Variants in DHRS4L2 observed in about 807,000 individuals in gnomAD.
The protein encoded by DHRS4L2 is dehydrogenase/reductase 4 like 2, also known as dehydrogenase/reductase SDR family member 4-like 2.
In DHRS4L2, 22 loss-of-function variants were observed where a neutral mutation model predicts 23.9. The observed-to-expected ratio is 0.92, with a 90% CI of 0.66 to 1.31. The LOEUF is 1.31. Ranked by LOEUF, DHRS4L2 falls within the 40% of genes most tolerant of loss-of-function variation. DHRS4L2 has a pLI of 0.00. For missense variants in DHRS4L2, 385 were observed against 303.3 expected, an observed-to-expected ratio of 1.27 and a Z score of -2.00; for synonymous variants, 141 against 123.7, an observed-to-expected ratio of 1.14 and a Z score of -0.93.
chr14:24,001,499 G>C lies in DHRS4L2; in HGVS notation c.647G>C (p.Arg216Thr). ...AACTGCCTGCACCTGGACTTATCAA[G>C]ACTAGCTTCAGCAGGATGGTGAGGA... ...RVNCLHLDLS[R>T]LASAGCSGWT... Residue 216 changes from arginine (R) to threonine (T), a missense_variant, in exon 6 of 8, where the codon AGA (arginine) becomes ACA (threonine). Arg to Thr is a moderately conservative substitution (Grantham distance 71, BLOSUM62 -1). Coordinates refer to ENST00000335125, the MANE Select transcript of DHRS4L2 (RefSeq NM_198083.4). 3 of 1,602,938 alleles carry C rather than the reference G, an allele frequency of 1.9e-6. No individual in the cohort carries two copies. The highest frequency in any genetic ancestry group is 2.5e-6 in the Non-Finnish European group (3 of 1,177,538).
intron 1 of DHRS4L2, among the ~76,000 whole-genome samples, chr14:23,976,110 A>G (rs1388398114): frequency 2.0e-5 from 3 of 151,720 alleles, no homozygotes; most frequent in South Asian, 4.2e-4. Context: ...GACTAATGGG[A>G]TCTACCTAAA....
At chr14:23,981,774 T>A (rs554469051) in intron 1 of DHRS4L2, among the ~76,000 whole-genome samples, 2 of 151,642 alleles carry the variant, frequency 1.3e-5, no homozygotes, top group African/African-American at 2.4e-5. Flanking sequence ...GGAATCTGTG[T>A]CACAAATAAG....
chr14:23,987,094 G>C, upstream of DHRS4L2: 1 of 250,130 alleles, frequency 4.0e-6, no homozygotes, highest in Non-Finnish European at 8.1e-6. Context: ...TCTATTACTT[G>C]CTCGCCATAC....
chr14:23,981,016 T>C (rs7154578), intron 1 of DHRS4L2, among the ~76,000 whole-genome samples: 5,391 of 151,768 alleles, frequency 0.036, 218 homozygotes, highest in Middle Eastern at 0.058. Flanking sequence ...GAAGTCAAAT[T>C]GTCTCTGTTT....
At chr14:23,997,779 G>A (rs895165723) in intron 3 of DHRS4L2, among the ~76,000 whole-genome samples, 30 of 151,510 alleles carry the variant, frequency 2.0e-4, no homozygotes, top group East Asian at 3.9e-4. Context: ...ACCCTTCCAC[G>A]TCATCCATGA....
intron 2 of DHRS4L2, chr14:23,990,696 T>C (rs534296467): frequency 2.2e-5 from 23 of 1,062,136 alleles, no homozygotes; most frequent in Middle Eastern, 4.2e-4. Flanking sequence ...CTTCAGCTTA[T>C]AGAGTCAAGT....
intron 1 of DHRS4L2, among the ~76,000 whole-genome samples, chr14:23,981,383 G>A (rs954848135): frequency 2.0e-5 from 3 of 151,546 alleles, no homozygotes; most frequent in Admixed American, 2.0e-4. Flanking sequence ...ACTGCCCAAG[G>A]TAATTTATAG....
At chr14:24,001,848 A>C (rs1364929792) in intron 6 of DHRS4L2, among the ~76,000 whole-genome samples, 1 of 104,300 alleles carries the variant, frequency 9.6e-6, no homozygotes, top group Non-Finnish European at 1.7e-5. Flanking sequence ...GAGAGCTGGG[A>C]GCTAGAAAAA....
intron 5 of DHRS4L2, 117 bp from the exon 6 acceptor site, chr14:24,001,267 C>T (rs1293176856): frequency 1.3e-6 from 2 of 1,564,322 alleles, no homozygotes; most frequent in Non-Finnish European, 1.7e-6. Context: ...AGACAGTTTC[C>T]TAACTCTGCC....
At chr14:23,982,169 G>C (rs12590195) in intron 1 of DHRS4L2, among the ~76,000 whole-genome samples, 55,305 of 151,376 alleles carry the variant, frequency 0.37, 13,924 homozygotes, top group African/African-American at 0.67. Flanking sequence ...AACCAGCGTT[G>C]CAGGGCAGAG....
At chr14:23,974,647 A>G (rs1029457380) in intron 1 of DHRS4L2, among the ~76,000 whole-genome samples, 2 of 151,862 alleles carry the variant, frequency 1.3e-5, no homozygotes, top group African/African-American at 4.8e-5. Context: ...TAGAAAACCT[A>G]GAAGAATTGG....
At position 23,981,423 on chromosome 14, in the gene DHRS4L2, T is replaced by C. The variant is rs183072194; in HGVS notation, c.-175-8759T>C. Among the ~76,000 whole-genome samples the C allele has an allele frequency of 3.2e-3, 483 of 151,818 alleles. 14 individuals are homozygous for C. Among genetic ancestry groups the C allele is most frequent in the Non-Finnish European group, 5.4e-3 (365 of 67,932 alleles). On this transcript the variant is annotated intron_variant, in intron 1 of 5. Coordinates refer to the DHRS4L2 transcript ENST00000534993. The stretch of plus-strand genomic sequence containing the variant: ...AGTGCTATCCCCATCAAGCTACTAA[T>C]GACTTTCTTCACAAAATTGGAAAAA...
intron 1 of DHRS4L2, 131 bp from the exon 2 acceptor site, chr14:23,990,051 G>C: frequency 7.1e-7 from 1 of 1,409,426 alleles, no homozygotes; most frequent in Non-Finnish European, 9.6e-7. Context: ...TTTACACATA[G>C]TAGGCACACG....
chr14:23,974,884 C>T (rs1476329504), intron 1 of DHRS4L2, among the ~76,000 whole-genome samples: 1 of 151,784 alleles, frequency 6.6e-6, no homozygotes, highest in Non-Finnish European at 1.5e-5. Flanking sequence ...AAAGAATCCT[C>T]CCTAACTCAT....
Position 23,990,306 on chromosome 14 carries a change from G to C in DHRS4L2, c.253G>C (p.Gly85Arg). 1.9e-6 allele frequency: 3 copies of C among 1,612,186 alleles called. No homozygotes were observed. Among genetic ancestry groups the C allele is most frequent in the Non-Finnish European group, 2.5e-6 (3 of 1,179,062 alleles). Reference protein sequence around the residue: ...TLQGEGLSVTGTVCHVGKAED... With the variant: ...TLQGEGLSVTRTVCHVGKAED... ...GCAGGGGGAGGGGCTGAGCGTGACG[G>C]GCACTGTGTGCCATGTGGGGAAGGC... The change falls in exon 2 of 8, where the codon GGC becomes CGC. Residue 85 changes from glycine (G) to arginine (R), a missense_variant. Physicochemically the swap from Gly to Arg is moderately radical, Grantham distance 125. Coordinates refer to ENST00000335125, the MANE Select transcript of DHRS4L2 (RefSeq NM_198083.4).
chr14:23,978,194 C>T (rs1173489609), intron 1 of DHRS4L2, among the ~76,000 whole-genome samples: 2 of 151,072 alleles, frequency 1.3e-5, no homozygotes, highest in Admixed American at 1.3e-4. Context: ...GTATTTGTAC[C>T]AAACACACAA....
intron 1 of DHRS4L2, among the ~76,000 whole-genome samples, chr14:23,971,902 G>C (rs918646105): frequency 5.9e-5 from 9 of 152,022 alleles, no homozygotes; most frequent in Non-Finnish European, 1.0e-4. Flanking sequence ...GACCATTGAT[G>C]CTATGAAGAA....
chr14:24,001,048 G>A lies in DHRS4L2; in HGVS notation c.495G>A (p.Val165=), dbSNP rs1338981620. The A allele has an allele frequency of 6.2e-7, 1 of 1,611,390 alleles. No individual in the cohort carries two copies. Among genetic ancestry groups the A allele is most frequent in the South Asian group, 1.1e-5 (1 of 90,948 alleles). Residue 165 remains valine, a synonymous_variant, in exon 5 of 8, where the codon GTG becomes GTA. Transcript: ENST00000335125. ...EMEKRGGGSV[V]IVSSIAAFSP... Reference sequence around the variant, plus strand: ...CTTTTTCCAGAGGCGGCTCAGTGGTGATCGTGTCTTCCATAGCAGCCTTCA... The same window carrying A: ...CTTTTTCCAGAGGCGGCTCAGTGGTAATCGTGTCTTCCATAGCAGCCTTCA...
chr14:23,997,771 C>G (rs2034410099), intron 3 of DHRS4L2, among the ~76,000 whole-genome samples: 1 of 151,546 alleles, frequency 6.6e-6, no homozygotes, highest in Non-Finnish European at 1.5e-5. Context: ...AGTCTTGAAC[C>G]CTTCCACGTC....
Sources: gnomAD v4.1 joint callset for allele counts (sites outside exome capture counted in the v4.1 genomes callset) on GRCh38, gnomAD v4.1.1 for gene constraint, MANE v1.5 for transcripts, NCBI Gene and HGNC (gene_info 2026-07-23, HGNC 2026-07-21) for gene names.